Variants in AGBL4 observed in about 807,000 individuals in gnomAD.
The protein encoded by AGBL4 is AGBL carboxypeptidase 4, also known as cytosolic carboxypeptidase 6.
Under a neutral mutation model 66.4 loss-of-function variants are expected in AGBL4, and 58 were observed. The ratio of observed to expected loss-of-function variants is 0.87; its 90% CI spans 0.71 to 1.09. The LOEUF (loss-of-function observed/expected upper bound fraction) is 1.09, where lower values mean the gene tolerates loss of function less well. Among genes scored for constraint, AGBL4 ranks in the 50% least tolerant of loss-of-function variants. AGBL4 has a pLI of 0.00. For synonymous variants in AGBL4, 234 were observed against 222.9 expected (o/e 1.05, Z -0.44); for missense variants, 579 against 631.0 (o/e 0.92, Z 0.88).
At chr1:49,811,138 A>G (rs1392290717) in intron 2 of AGBL4, among the ~76,000 whole-genome samples, 1 of 152,172 alleles carries the variant, frequency 6.6e-6, no homozygotes, top group African/African-American at 2.4e-5. Flanking sequence ...AAAGAGAGGT[A>G]AATAATCATG....
At chr1:49,832,971 T>C (rs1312539544) in intron 2 of AGBL4, among the ~76,000 whole-genome samples, 2 of 151,974 alleles carry the variant, frequency 1.3e-5, no homozygotes, top group Non-Finnish European at 2.9e-5. Context: ...GTAGTTTCTT[T>C]TGCTGTGCAG....
intron 2 of AGBL4, among the ~76,000 whole-genome samples, chr1:49,740,872 A>T (rs1272358545): frequency 6.6e-6 from 1 of 152,212 alleles, no homozygotes; most frequent in Non-Finnish European, 1.5e-5. Context: ...CACACAACAT[A>T]CCAGAATCTC....
At chr1:49,126,115 G>T (rs1442692320) in intron 4 of AGBL4, among the ~76,000 whole-genome samples, 1 of 152,188 alleles carries the variant, frequency 6.6e-6, no homozygotes, top group East Asian at 1.9e-4. Flanking sequence ...CATACCCTTT[G>T]TTCCTCTAAC....
At chr1:49,047,419 C>A (rs1396895665) in intron 4 of AGBL4, among the ~76,000 whole-genome samples, 1 of 152,004 alleles carries the variant, frequency 6.6e-6, no homozygotes, top group African/African-American at 2.4e-5. Flanking sequence ...CAATAGAGTC[C>A]ATTTGCCTCC....
At chr1:49,441,767 C>A (rs963577377) in intron 3 of AGBL4, among the ~76,000 whole-genome samples, 1 of 152,170 alleles carries the variant, frequency 6.6e-6, no homozygotes, top group Non-Finnish European at 1.5e-5. Context: ...CAACAGGTGA[C>A]CTCAGCAGAG....
chr1:49,738,906 C>T (rs569577318), intron 2 of AGBL4, among the ~76,000 whole-genome samples: 8 of 152,238 alleles, frequency 5.3e-5, no homozygotes, highest in Admixed American at 1.3e-4. Flanking sequence ...CTCATCTGTA[C>T]GTCACCATCA....
Position 48,647,295 on chromosome 1 carries a change from T to G in AGBL4, c.839+6042A>C, listed in dbSNP as rs558460069. On this transcript the variant is annotated intron_variant, in intron 8 of 13. Transcript: ENST00000371839. ...AAGAAATACTGAGGTTTTCCAAAGA[T>G]GAGAAATTTCACAGCATTCTGCTAT... Among the ~76,000 whole-genome samples the G allele has an allele frequency of 3.3e-3, 506 of 152,322 alleles. 3 individuals are homozygous for G. The highest frequency in any genetic ancestry group is 5.2e-3 in the Non-Finnish European group (351 of 68,020).
intron 3 of AGBL4, among the ~76,000 whole-genome samples, chr1:49,415,369 G>A (rs1645405604): frequency 6.6e-6 from 1 of 152,152 alleles, no homozygotes; most frequent in African/African-American, 2.4e-5. Context: ...GAAATAGTAA[G>A]TATGCTCTGA....
At chr1:49,273,752 C>G (rs1644109843) in intron 3 of AGBL4, among the ~76,000 whole-genome samples, 1 of 152,076 alleles carries the variant, frequency 6.6e-6, no homozygotes, top group Non-Finnish European at 1.5e-5. Context: ...TCTTGGCTCA[C>G]TGCAAGCTCC....
At chr1:49,429,939 G>A (rs1438776920) in intron 3 of AGBL4, among the ~76,000 whole-genome samples, 1 of 151,626 alleles carries the variant, frequency 6.6e-6, no homozygotes, top group Admixed American at 6.6e-5. Flanking sequence ...TAACCTCCTG[G>A]GCTCAAGCGA....
At chr1:49,392,188 T>G (rs922195005) in intron 3 of AGBL4, among the ~76,000 whole-genome samples, 1 of 152,206 alleles carries the variant, frequency 6.6e-6, no homozygotes, top group East Asian at 1.9e-4. Context: ...AATGATAGTT[T>G]CTTAGTCACA....
chr1:48,625,470 G>A (rs374056888), intron 9 of AGBL4, among the ~76,000 whole-genome samples: 8 of 152,202 alleles, frequency 5.3e-5, no homozygotes, highest in Non-Finnish European at 1.2e-4. Flanking sequence ...GTTACAGTGT[G>A]TAGTGGAGTA....
intron 4 of AGBL4, among the ~76,000 whole-genome samples, chr1:49,111,319 A>G (rs1257321831): frequency 1.3e-5 from 2 of 152,112 alleles, no homozygotes; most frequent in East Asian, 3.9e-4. Context: ...TCACCGTGTT[A>G]GCCAGGATGG....
At chr1:48,755,044 G>A (rs1422816360) in intron 6 of AGBL4, among the ~76,000 whole-genome samples, 1 of 152,142 alleles carries the variant, frequency 6.6e-6, no homozygotes, top group African/African-American at 2.4e-5. Context: ...ATCTTTTCTT[G>A]TGTGTGGAAT....
intron 5 of AGBL4, among the ~76,000 whole-genome samples, chr1:48,878,587 C>T (rs990263084): frequency 2.0e-5 from 3 of 152,108 alleles, no homozygotes; most frequent in African/African-American, 4.8e-5. Flanking sequence ...TTGTATTACC[C>T]TTGGCCACAG....
chr1:49,420,621 A>G (rs1645524148), intron 3 of AGBL4, among the ~76,000 whole-genome samples: 1 of 151,768 alleles, frequency 6.6e-6, no homozygotes, highest in Non-Finnish European at 1.5e-5. Flanking sequence ...GAATGGCATG[A>G]ACCCAGGAAG....
At chr1:49,529,919 A>T (rs915983735) in intron 3 of AGBL4, among the ~76,000 whole-genome samples, 1 of 151,842 alleles carries the variant, frequency 6.6e-6, no homozygotes, top group Non-Finnish European at 1.5e-5. Context: ...GTAAGAGAAG[A>T]AACTCTGAGA....
At chr1:48,817,176 C>T (rs113419334) in intron 6 of AGBL4, among the ~76,000 whole-genome samples, 6 of 152,132 alleles carry the variant, frequency 3.9e-5, no homozygotes, top group Non-Finnish European at 8.8e-5. Flanking sequence ...CCTCTCCCAA[C>T]GTATGACATT....
chr1:48,669,126 C>T (rs572337125), intron 6 of AGBL4, among the ~76,000 whole-genome samples: 2 of 152,302 alleles, frequency 1.3e-5, no homozygotes, highest in Admixed American at 1.3e-4. Context: ...GACTGGGTCT[C>T]ATAACCAGGT....
Sources: allele counts gnomAD v4.1 joint callset (sites outside exome capture counted in the v4.1 genomes callset), GRCh38; gene constraint gnomAD v4.1.1; transcripts MANE v1.5; gene names NCBI Gene and HGNC (gene_info 2026-07-23, HGNC 2026-07-21).